Variants in LMAN1L observed in about 807,000 individuals in gnomAD.
LMAN1L encodes the protein protein ERGIC-53-like.
LMAN1L carries 60 observed loss-of-function variants against 58.3 expected under a neutral mutation model. That is an observed-to-expected ratio of 1.03 (90% CI 0.84 to 1.27). The LOEUF (loss-of-function observed/expected upper bound fraction) is 1.27. LMAN1L is among the 50% of genes most tolerant of loss of function. LMAN1L has a pLI of 0.00. For missense variants in LMAN1L, 629 were observed against 674.0 expected (o/e 0.93, Z 0.74); for synonymous variants, 280 against 271.6 (o/e 1.03, Z -0.31).
chr15:74,818,734 G>A lies in LMAN1L; in HGVS notation c.514G>A (p.Gly172Arg). The A allele has an allele frequency of 1.5e-5, 24 of 1,609,648 alleles. No homozygotes were observed. The highest frequency in any genetic ancestry group is 2.2e-5 in the East Asian group (1 of 44,782). The change falls in exon 5 of 14, where the codon GGG (glycine) becomes AGG (arginine). Residue 172 changes from glycine (G) to arginine (R), a missense_variant. Physicochemically the swap from Gly to Arg is moderately radical, Grantham distance 125 (BLOSUM62 -2). This residue lies in a region of LMAN1L where 573 missense variants were observed against 597.3 expected (regional missense o/e 0.96). Coordinates refer to ENST00000309664, the MANE Select transcript of LMAN1L (RefSeq NM_021819.3). Reference protein sequence around the residue: ...SEQPGDGASQGLGSCHWDFRN... With the variant: ...SEQPGDGASQRLGSCHWDFRN... ...TGCCCACAGGGATGGAGCTAGCCAAGGGCTGGGCTCCTGTCATTGGGACTT... is the reference window on the plus strand; with the variant it reads ...TGCCCACAGGGATGGAGCTAGCCAAAGGCTGGGCTCCTGTCATTGGGACTT...
At chr15:74,813,456 T>C (rs1246189479) in intron 1 of LMAN1L, 1 of 457,920 alleles carries the variant, frequency 2.2e-6, no homozygotes, top group African/African-American at 2.0e-5. Flanking sequence ...GGGGGCTACC[T>C]GGAGGGAAGC....
At chr15:74,816,128 C>G in intron 1 of LMAN1L, 29 bp from the exon 2 acceptor site, 1 of 1,538,448 alleles carries the variant, frequency 6.5e-7, no homozygotes, top group Non-Finnish European at 8.8e-7. Context: ...TGTAGTGGAG[C>G]CTGGGGCTTG....
chr15:74,825,603 T>TGACC lies in LMAN1L; in HGVS notation c.1580_*2dup. 1 of 1,610,136 alleles carries TGACC rather than the reference T, an allele frequency of 6.2e-7. No individual in the cohort carries two copies. The highest frequency in any genetic ancestry group is 1.1e-5 in the South Asian group (1 of 90,962). Reference sequence around the variant, plus strand: ...GCCTCTCCCTGCCAGCATGCCTGCCTGACCCACCTCAGAGCCTGCTTTGCA... The same window carrying TGACC: ...GCCTCTCCCTGCCAGCATGCCTGCCTGACCGACCCACCTCAGAGCCTGCTTTGCA... On this transcript the variant is annotated frameshift_variant and stop_retained_variant, in exon 14 of 14. Transcript: ENST00000309664. LOFTEE classifies it high-confidence loss of function.
chr15:74,823,287 G>T (rs1194964740), intron 11 of LMAN1L, among the ~76,000 whole-genome samples: 1 of 152,172 alleles, frequency 6.6e-6, no homozygotes, highest in Non-Finnish European at 1.5e-5. Flanking sequence ...AGAAGGAAAG[G>T]AGTTAAATCC....
At chr15:74,819,749 G>C (rs1387455457) in intron 6 of LMAN1L, 1 of 535,476 alleles carries the variant, frequency 1.9e-6, no homozygotes, top group Non-Finnish European at 3.4e-6. Flanking sequence ...TGCTCTGGGG[G>C]CCTAAGAGTG....
chr15:74,821,971 C>A (rs2063918757), intron 10 of LMAN1L, 71 bp downstream of exon 10: 3 of 1,050,154 alleles, frequency 2.9e-6, no homozygotes, highest in Non-Finnish European at 4.4e-6. Context: ...AGAACCAGGG[C>A]AGAGAGGACT....
At chr15:74,813,694 A>G (rs2063876142) in intron 1 of LMAN1L, among the ~76,000 whole-genome samples, 1 of 152,224 alleles carries the variant, frequency 6.6e-6, no homozygotes, top group African/African-American at 2.4e-5. Context: ...GGAGCGTGAA[A>G]TAGTCTAGGA....
At chr15:74,814,509 G>A (rs1260604545) in intron 1 of LMAN1L, among the ~76,000 whole-genome samples, 1 of 151,998 alleles carries the variant, frequency 6.6e-6, no homozygotes, top group South Asian at 2.1e-4. Flanking sequence ...GAGTAGCTGG[G>A]ACTACAGGTG....
At chr15:74,820,422 AG>A in intron 7 of LMAN1L, 1 of 678,928 alleles carries the variant, frequency 1.5e-6, no homozygotes. Context: ...ATGAGCTTAA[AG>A]GAGCCTCGGA....
At chr15:74,813,216 C>A (rs1053276152) in intron 1 of LMAN1L, 187 bp downstream of exon 1, 3 of 672,666 alleles carry the variant, frequency 4.5e-6, no homozygotes, top group East Asian at 2.7e-5. Context: ...CAACACCCCC[C>A]ACCCCTGCCC....
At chr15:74,813,050 C>G in intron 1 of LMAN1L, 21 bp downstream of exon 1, 1 of 1,597,520 alleles carries the variant, frequency 6.3e-7, no homozygotes, top group Non-Finnish European at 8.5e-7. Context: ...GGGGTGGGGA[C>G]CAGCTATGCC....
At chr15:74,814,549 A>T (rs2063881936) in intron 1 of LMAN1L, among the ~76,000 whole-genome samples, 1 of 151,606 alleles carries the variant, frequency 6.6e-6, no homozygotes, top group Non-Finnish European at 1.5e-5. Flanking sequence ...AATTTTTTGT[A>T]CTTTTAGTAG....
intron 1 of LMAN1L, chr15:74,813,310 C>A: frequency 1.8e-6 from 1 of 569,616 alleles, no homozygotes. Flanking sequence ...CCTGCCCTTC[C>A]TCTACCTCTG....
chr15:74,823,300 A>C (rs1177942123), intron 11 of LMAN1L, among the ~76,000 whole-genome samples: 1 of 152,118 alleles, frequency 6.6e-6, no homozygotes, highest in East Asian at 1.9e-4. Flanking sequence ...TTAAATCCCC[A>C]GGGGCTGGGA....
At chr15:74,814,942 T>C (rs1184530160) in intron 1 of LMAN1L, among the ~76,000 whole-genome samples, 21 of 152,238 alleles carry the variant, frequency 1.4e-4, no homozygotes, top group Non-Finnish European at 3.1e-4. Flanking sequence ...AGGACCAGGA[T>C]GGCAAAACTT....
chr15:74,824,210 C>T, intron 12 of LMAN1L, 141 bp from the exon 13 acceptor site: 3 of 754,462 alleles, frequency 4.0e-6, no homozygotes, highest in Non-Finnish European at 6.7e-6. Flanking sequence ...TACACTGCCC[C>T]CTCTCCAAGT....
chr15:74,821,947 G>C, intron 10 of LMAN1L, 47 bp downstream of exon 10: 1 of 1,360,004 alleles, frequency 7.4e-7, no homozygotes, highest in Non-Finnish European at 1.0e-6. Flanking sequence ...CCCCAGCTTG[G>C]CTGGTGCTCT....
chr15:74,813,017 A>G lies in LMAN1L; in HGVS notation c.163A>G (p.Ser55Gly), dbSNP rs900738216. The change falls in exon 1 of 14, where the codon AGC becomes GGC. Residue 55 changes from serine to glycine, a missense_variant. By Grantham distance (56) the Ser-to-Gly change is moderately conservative (BLOSUM62 0). Transcript: ENST00000309664. ...GCCTGGGGCTGGAATACCCTTCTGG[A>G]GCCATCATGGAGGTGAGGGGCAGGG... ...ALPGAGIPFW[S>G]HHGDAILGLE... 1.5e-5 allele frequency: 24 copies of G among 1,612,590 alleles called. No individual in the cohort carries two copies. In the African/African-American group the frequency reaches 2.7e-4, roughly 18 times the overall value.
intron 9 of LMAN1L, among the ~76,000 whole-genome samples, 184 bp downstream of exon 9, chr15:74,821,410 G>A (rs145807149): frequency 1.6e-4 from 24 of 152,304 alleles, no homozygotes; most frequent in African/African-American, 5.3e-4. Flanking sequence ...AAATGCGCAC[G>A]GGGCTGGGGC....
Sources: gnomAD v4.1 joint callset for allele counts (sites outside exome capture counted in the v4.1 genomes callset) on GRCh38, gnomAD v4.1.1 for gene constraint, gnomAD v4.1.1 regional missense constraint, MANE v1.5 for transcripts, NCBI Gene and HGNC (gene_info 2026-07-23, HGNC 2026-07-21) for gene names.